The following TNKS variants were observed in gnomAD, a reference collection of about 807,000 sequenced individuals.
The protein encoded by TNKS is poly [ADP-ribose] polymerase tankyrase-1.
TNKS carries 72 observed loss-of-function variants against 135.8 expected under a neutral mutation model. That is an observed-to-expected ratio of 0.53 (90% confidence interval 0.44 to 0.64). The LOEUF is 0.64. Among genes scored for constraint, TNKS ranks in the 30% least tolerant of loss-of-function variants. TNKS has a pLI of 0.00. For missense variants in TNKS, 1,769 were observed against 1,674.0 expected, an observed-to-expected ratio of 1.06 and a Z score of -0.99; for synonymous variants, 849 against 649.3, an observed-to-expected ratio of 1.31 and a Z score of -4.68.
intron 11 of TNKS, among the ~76,000 whole-genome samples, chr8:9,711,899 T>A (rs758824496): frequency 2.4e-4 from 36 of 152,192 alleles, no homozygotes; most frequent in Non-Finnish European, 4.4e-4. Flanking sequence ...AAACAGAATT[T>A]TCTCACCTGT....
At chr8:9,651,766 T>G (rs1050399840) in intron 3 of TNKS, among the ~76,000 whole-genome samples, 2 of 152,234 alleles carry the variant, frequency 1.3e-5, no homozygotes, top group African/African-American at 4.8e-5. Context: ...TATGTGGGCT[T>G]GTTCCATATC....
intron 1 of TNKS, among the ~76,000 whole-genome samples, chr8:9,567,446 C>G (rs905706083): frequency 3.3e-5 from 5 of 152,076 alleles, no homozygotes; most frequent in Admixed American, 1.3e-4. Context: ...GACGGAGTCT[C>G]GCTCTGTCGC....
chr8:9,628,972 G>T (rs1019650130), intron 3 of TNKS, among the ~76,000 whole-genome samples: 2 of 152,240 alleles, frequency 1.3e-5, no homozygotes, highest in South Asian at 4.1e-4. Flanking sequence ...TTCTCTTGTT[G>T]TCTTACCTTG....
At chr8:9,731,933 G>A (rs1280968500) in intron 14 of TNKS, among the ~76,000 whole-genome samples, 1 of 151,940 alleles carries the variant, frequency 6.6e-6, no homozygotes, top group Non-Finnish European at 1.5e-5. Context: ...GACTACAGGC[G>A]CCCGTCACCA....
At chr8:9,655,811 C>G (rs568525317) in intron 3 of TNKS, among the ~76,000 whole-genome samples, 1 of 150,748 alleles carries the variant, frequency 6.6e-6, no homozygotes, top group South Asian at 2.1e-4. Context: ...AGCAGAAAAA[C>G]CAGAAACTCT....
intron 1 of TNKS, among the ~76,000 whole-genome samples, chr8:9,576,293 G>A (rs1469547193): frequency 6.6e-6 from 1 of 152,010 alleles, no homozygotes; most frequent in Non-Finnish European, 1.5e-5. Context: ...TACCTAAGAC[G>A]GTAATTTATG....
At chr8:9,696,065 C>T (rs939960530) in intron 5 of TNKS, among the ~76,000 whole-genome samples, 6 of 152,134 alleles carry the variant, frequency 3.9e-5, no homozygotes, top group Non-Finnish European at 7.4e-5. Flanking sequence ...TAACCAGTAA[C>T]CTCCACAGTA....
At chr8:9,654,087 C>T (rs1801249463) in intron 3 of TNKS, among the ~76,000 whole-genome samples, 1 of 152,210 alleles carries the variant, frequency 6.6e-6, no homozygotes, top group African/African-American at 2.4e-5. Context: ...TGAGCTGTTT[C>T]AGCCAAATAT....
At chr8:9,653,926 G>A (rs1471203614) in intron 3 of TNKS, among the ~76,000 whole-genome samples, 1 of 151,980 alleles carries the variant, frequency 6.6e-6, no homozygotes, top group Non-Finnish European at 1.5e-5. Context: ...CAGCCTCTGT[G>A]TCTCCATTTC....
At chr8:9,740,878 C>G (rs1179490527) in intron 17 of TNKS, 1 of 120,672 alleles carries the variant, frequency 8.3e-6, no homozygotes, top group Non-Finnish European at 1.6e-5. Context: ...GGCGCTATCT[C>G]AGCTCACTGC....
At chr8:9,770,372 G>A (rs999731224) in intron 26 of TNKS, 110 bp downstream of exon 26, 7 of 1,139,532 alleles carry the variant, frequency 6.1e-6, no homozygotes, top group Non-Finnish European at 8.5e-6. Flanking sequence ...CACACAGTGT[G>A]CTAGTATTAA....
At chr8:9,588,648 T>A (rs1474069554) in intron 2 of TNKS, among the ~76,000 whole-genome samples, 1 of 152,148 alleles carries the variant, frequency 6.6e-6, no homozygotes, top group Non-Finnish European at 1.5e-5. Context: ...ACATTTTAGG[T>A]TGAACTGAAG....
chr8:9,583,635 C>T (rs1332910367), intron 2 of TNKS, among the ~76,000 whole-genome samples: 1 of 151,804 alleles, frequency 6.6e-6, no homozygotes, highest in Non-Finnish European at 1.5e-5. Flanking sequence ...ACTGCAGGCG[C>T]ATGCCACCAT....
intron 11 of TNKS, 77 bp downstream of exon 11, chr8:9,710,297 C>T (rs781586834): frequency 3.6e-6 from 5 of 1,376,034 alleles, no homozygotes; most frequent in East Asian, 2.3e-5. Context: ...TCTCTCTCTC[C>T]GATTTTTCTG....
chr8:9,706,330 C>T (rs1388153387), intron 7 of TNKS, 77 bp downstream of exon 7: 12 of 1,156,546 alleles, frequency 1.0e-5, no homozygotes, highest in African/African-American at 4.9e-5. Flanking sequence ...TCCATACTTT[C>T]GGCCTCATGA....
intron 1 of TNKS, among the ~76,000 whole-genome samples, chr8:9,565,774 G>A (rs546617699): frequency 6.6e-6 from 1 of 152,040 alleles, no homozygotes; most frequent in Admixed American, 6.5e-5. Context: ...GGAGAATGGC[G>A]TGAACCCCGG....
chr8:9,658,734 G>A (rs868812191), intron 3 of TNKS, among the ~76,000 whole-genome samples: 5 of 152,074 alleles, frequency 3.3e-5, no homozygotes, highest in African/African-American at 1.2e-4. Context: ...ACACATAACA[G>A]TATTAACCTT....
chr8:9,573,270 T>G (rs1461454271), intron 1 of TNKS, among the ~76,000 whole-genome samples: 1 of 152,154 alleles, frequency 6.6e-6, no homozygotes, highest in Non-Finnish European at 1.5e-5. Context: ...AGAGCCAGAA[T>G]AGGTTCAGAG....
In TNKS at chr8:9,779,368, TAGG is replaced by T. The variant is rs1314564406; in HGVS notation, c.*2634_*2636del. Reference sequence around the variant, plus strand: ...GTACTATATAGAAATACTAGCAAGTTAGGATCATCCAATATGGCCTACCCCGAA... The same window carrying T: ...GTACTATATAGAAATACTAGCAAGTTATCATCCAATATGGCCTACCCCGAA... On this transcript the variant is annotated 3_prime_UTR_variant, in exon 27 of 27. Coordinates refer to ENST00000310430, the MANE Select transcript of TNKS (RefSeq NM_003747.3). 5.2e-5 allele frequency: 8 copies of T among 152,410 alleles called. No homozygotes were observed. Among genetic ancestry groups the T allele is most frequent in the Non-Finnish European group, 8.8e-5 (6 of 68,026 alleles). 9.4% of individuals were successfully genotyped at this position (152,410 alleles called of 1,614,324 possible). A position where few individuals can be genotyped will look rare whatever the true frequency, so the allele number is the denominator to read the frequency against.
Sources: gnomAD v4.1 joint callset for allele counts (sites outside exome capture counted in the v4.1 genomes callset) on GRCh38, gnomAD v4.1.1 for gene constraint, MANE v1.5 for transcripts, NCBI Gene and HGNC (gene_info 2026-07-23, HGNC 2026-07-21) for gene names.